The following CROT variants were observed in gnomAD, a reference collection of about 807,000 sequenced individuals.
CROT encodes the protein carnitine O-octanoyltransferase.
Under a neutral mutation model 89.2 loss-of-function variants are expected in CROT, and 84 were observed. The observed-to-expected ratio is 0.94, with a 90% CI of 0.79 to 1.13. The LOEUF (loss-of-function observed/expected upper bound fraction) is 1.13, where lower values mean the gene tolerates loss of function less well. Among genes scored for constraint, CROT ranks in the 50% most tolerant of loss-of-function variants. The probability of loss-of-function intolerance (pLI) is 0.00; values close to 1 mark genes in which losing one functional copy is unlikely to be tolerated. For missense variants in CROT, 711 were observed against 727.8 expected, an observed-to-expected ratio of 0.98 and a Z score of 0.27; for synonymous variants, 212 against 239.5, an observed-to-expected ratio of 0.89 and a Z score of 1.06.
intron 17 of CROT, 119 bp downstream of exon 17, chr7:87,393,186 G>C: frequency 1.8e-6 from 2 of 1,141,504 alleles, no homozygotes; most frequent in Non-Finnish European, 2.5e-6. Flanking sequence ...TGCTACATAA[G>C]TAACTATTTT....
intron 17 of CROT, 194 bp from the exon 18 acceptor site, chr7:87,398,330 A>T (rs1405763163): frequency 1.1e-5 from 8 of 710,008 alleles, no homozygotes; most frequent in Middle Eastern, 2.3e-4. Context: ...CTAGTCATCT[A>T]ATGAATGAGG....
chr7:87,354,331 C>T, intron 3 of CROT: 1 of 515,154 alleles, frequency 1.9e-6, no homozygotes, highest in Non-Finnish European at 3.9e-6. Context: ...AGTGTGACTA[C>T]TTCTGCTTAT....
At chr7:87,372,534 A>G (rs1806678321) in intron 7 of CROT, among the ~76,000 whole-genome samples, 1 of 152,238 alleles carries the variant, frequency 6.6e-6, no homozygotes, top group African/African-American at 2.4e-5. Flanking sequence ...TTTTGCTTGG[A>G]TAGCAGAATT....
At chr7:87,395,960 A>G (rs748574946) in intron 17 of CROT, among the ~76,000 whole-genome samples, 4 of 152,210 alleles carry the variant, frequency 2.6e-5, no homozygotes, top group Non-Finnish European at 5.9e-5. Flanking sequence ...TGAAGATGCC[A>G]TTGTTGTTAA....
chr7:87,356,783 G>T (rs1426169208), intron 3 of CROT, among the ~76,000 whole-genome samples: 2 of 152,286 alleles, frequency 1.3e-5, no homozygotes, highest in Non-Finnish European at 2.9e-5. Context: ...AGTACTTTGG[G>T]AGGCCAAAGT....
intron 13 of CROT, among the ~76,000 whole-genome samples, chr7:87,390,612 C>G (rs1311892201): frequency 6.6e-6 from 1 of 152,142 alleles, no homozygotes; most frequent in African/African-American, 2.4e-5. Context: ...TATTTGATCT[C>G]TTTGACTCTA....
At chr7:87,369,520 T>C (rs1286048424) in intron 7 of CROT, 36 bp downstream of exon 7, 1 of 1,411,884 alleles carries the variant, frequency 7.1e-7, no homozygotes, top group South Asian at 1.2e-5. Context: ...CATTAGGTCT[T>C]ATGGTGTTGC....
At chr7:87,387,581 A>G (rs1225247758) in intron 13 of CROT, among the ~76,000 whole-genome samples, 1 of 152,166 alleles carries the variant, frequency 6.6e-6, no homozygotes, top group Non-Finnish European at 1.5e-5. Context: ...TAAACAATTA[A>G]CACACATTTT....
chr7:87,357,642 T>G, intron 3 of CROT: 1 of 770,094 alleles, frequency 1.3e-6, no homozygotes, highest in Non-Finnish European at 2.2e-6. Context: ...GCTACTCCAT[T>G]GCGGAGTAGA....
At chr7:87,385,476 ATTTG>A (rs780416469) in intron 13 of CROT, among the ~76,000 whole-genome samples, 2 of 151,442 alleles carry the variant, frequency 1.3e-5, no homozygotes, top group African/African-American at 4.9e-5. Flanking sequence ...TGCTTTCTTG[ATTTG>A]TTTTTCAGAT....
intron 10 of CROT, among the ~76,000 whole-genome samples, chr7:87,380,501 C>G (rs1806959736): frequency 7.9e-6 from 1 of 127,210 alleles, no homozygotes; most frequent in Non-Finnish European, 1.8e-5. Context: ...AGCAAAGTAA[C>G]TTTTTTACTA....
chr7:87,383,606 C>T (rs2116054463), intron 13 of CROT, among the ~76,000 whole-genome samples: 1 of 151,868 alleles, frequency 6.6e-6, no homozygotes, highest in East Asian at 1.9e-4. Context: ...AGCAATTCTC[C>T]CTGCCTCAGC....
chr7:87,356,082 G>A (rs980409807), intron 3 of CROT, among the ~76,000 whole-genome samples: 4 of 152,170 alleles, frequency 2.6e-5, no homozygotes, highest in Non-Finnish European at 5.9e-5. Context: ...CCCAGCTCAG[G>A]TGATCCTCCA....
intron 13 of CROT, among the ~76,000 whole-genome samples, chr7:87,389,307 T>C (rs898005229): frequency 1.3e-5 from 2 of 152,112 alleles, no homozygotes; most frequent in Admixed American, 1.3e-4. Flanking sequence ...CTTTCTACTA[T>C]AAAGATACAT....
intron 3 of CROT, among the ~76,000 whole-genome samples, chr7:87,355,363 G>C (rs544771154): frequency 5.9e-5 from 9 of 152,158 alleles, no homozygotes; most frequent in Admixed American, 5.9e-4. Context: ...GCCTCCCAAC[G>C]TGCTGGTGTT....
rs542813835 is a variant in CROT, at chr7:87,348,646, T to A, written c.-21-402T>A. ...TTAACAGATCTGGGTTTGGGTCCTGTGTTTGACATTAGGTAAGTTACTAAA... is the reference window on the plus strand; with the variant it reads ...TTAACAGATCTGGGTTTGGGTCCTGAGTTTGACATTAGGTAAGTTACTAAA... On this transcript the variant is annotated intron_variant, in intron 2 of 17. Coordinates refer to ENST00000331536, the MANE Select transcript of CROT (RefSeq NM_021151.4). 3.1e-4 allele frequency among the ~76,000 whole-genome samples: 47 copies of A among 152,366 alleles called. No individual in the cohort carries two copies. In the South Asian group the frequency reaches 8.7e-3, roughly 28 times the overall value.
chr7:87,364,231 A>G (rs548003505), intron 6 of CROT, among the ~76,000 whole-genome samples: 1 of 152,362 alleles, frequency 6.6e-6, no homozygotes, highest in East Asian at 1.9e-4. Context: ...CTGTAAATCC[A>G]TAACAGTAGC....
chr7:87,354,386 A>T, intron 3 of CROT: 1 of 518,806 alleles, frequency 1.9e-6, no homozygotes, highest in South Asian at 1.4e-5. Context: ...TGATGAAAAA[A>T]GTGCTTGGAT....
chr7:87,358,340 G>A (rs1806157830), intron 3 of CROT, among the ~76,000 whole-genome samples: 1 of 151,310 alleles, frequency 6.6e-6, no homozygotes, highest in African/African-American at 2.4e-5. Flanking sequence ...AAAAGAGCCA[G>A]GAGTGGTGGC....
Sources: allele counts gnomAD v4.1 joint callset (sites outside exome capture counted in the v4.1 genomes callset), GRCh38; gene constraint gnomAD v4.1.1; transcripts MANE v1.5; gene names NCBI Gene and HGNC (gene_info 2026-07-23, HGNC 2026-07-21).